Variants in ADD1 observed in about 807,000 individuals in gnomAD.
ADD1 encodes alpha-adducin.
In ADD1, 24 loss-of-function variants were observed where a neutral mutation model predicts 80.5. The ratio of observed to expected loss-of-function variants is 0.30; its 90% CI spans 0.22 to 0.42. The LOEUF is 0.42. ADD1 is among the 10% of genes least tolerant of loss of function. The pLI is 1.00. For missense variants in ADD1, 948 were observed against 1,019.0 expected (o/e 0.93, Z 0.95); for synonymous variants, 373 against 393.8 (o/e 0.95, Z 0.63).
intron 4 of ADD1, among the ~76,000 whole-genome samples, chr4:2,890,203 A>AG (rs1734074397): frequency 6.6e-6 from 1 of 152,152 alleles, no homozygotes. Context: ...CAAAAAAAAA[A>AG]AAAAAGAAAT....
intron 5 of ADD1, 134 bp from the exon 6 acceptor site, chr4:2,894,448 G>A: frequency 2.6e-6 from 2 of 756,594 alleles, no homozygotes; most frequent in Non-Finnish European, 4.1e-6. Flanking sequence ...TTGAACCTGG[G>A]AGGTGGAGGC....
chr4:2,864,541 T>A (rs2108839081), intron 1 of ADD1, among the ~76,000 whole-genome samples: 1 of 152,382 alleles, frequency 6.6e-6, no homozygotes, highest in Non-Finnish European at 1.5e-5. Context: ...GTTCATTTTA[T>A]ACTCACAGTG....
chr4:2,860,248 A>G (rs549430113), intron 1 of ADD1, among the ~76,000 whole-genome samples: 1 of 152,298 alleles, frequency 6.6e-6, no homozygotes, highest in Admixed American at 6.5e-5. Context: ...CGAGTCATCT[A>G]GAGGCAGACA....
At chr4:2,864,971 A>T (rs756045705) in intron 1 of ADD1, among the ~76,000 whole-genome samples, 1 of 152,088 alleles carries the variant, frequency 6.6e-6, no homozygotes, top group Non-Finnish European at 1.5e-5. Flanking sequence ...GTGTGTGTGT[A>T]TATCTATGAA....
At chr4:2,925,485 T>G (rs1222501641) in intron 14 of ADD1, among the ~76,000 whole-genome samples, 1 of 152,232 alleles carries the variant, frequency 6.6e-6, no homozygotes, top group African/African-American at 2.4e-5. Context: ...AGTTCCTGCA[T>G]TTTTTCCTCT....
At chr4:2,918,091 T>G (rs2109151586) in intron 14 of ADD1, among the ~76,000 whole-genome samples, 1 of 152,372 alleles carries the variant, frequency 6.6e-6, no homozygotes, top group Middle Eastern at 3.4e-3. Context: ...GGCATAGCAT[T>G]GAATCTATAA....
intron 1 of ADD1, among the ~76,000 whole-genome samples, chr4:2,856,049 C>A (rs960662107): frequency 3.0e-5 from 1 of 33,636 alleles, no homozygotes; most frequent in Admixed American, 3.0e-4. Context: ...CACACAAGTT[C>A]TTTTTTAAAA....
At chr4:2,927,113 C>T (rs1711856631) in intron 15 of ADD1, among the ~76,000 whole-genome samples, 2 of 152,208 alleles carry the variant, frequency 1.3e-5, no homozygotes, top group African/African-American at 4.8e-5. Context: ...GATATTGGAC[C>T]CTCGTAAAGC....
chr4:2,877,407 T>G (rs926408402), intron 2 of ADD1, among the ~76,000 whole-genome samples: 3 of 152,160 alleles, frequency 2.0e-5, no homozygotes, highest in Non-Finnish European at 4.4e-5. Flanking sequence ...GTTTAGTTGT[T>G]GTTACTGAGT....
At chr4:2,924,092 G>T (rs986478713) in intron 14 of ADD1, among the ~76,000 whole-genome samples, 2 of 152,234 alleles carry the variant, frequency 1.3e-5, no homozygotes, top group Non-Finnish European at 2.9e-5. Context: ...ATGTGCCCAG[G>T]TCCCATCAGG....
chr4:2,913,376 C>T (rs971802440), intron 13 of ADD1, among the ~76,000 whole-genome samples: 2 of 152,164 alleles, frequency 1.3e-5, no homozygotes, highest in African/African-American at 2.4e-5. Flanking sequence ...GTGAGGCAGG[C>T]CTCTGGTCAG....
intron 10 of ADD1, chr4:2,907,236 T>C (rs561287934): frequency 6.5e-6 from 1 of 154,236 alleles, no homozygotes; most frequent in South Asian, 2.0e-4. Flanking sequence ...ACGCAGACAG[T>C]GCATTCTGAT....
intron 2 of ADD1, among the ~76,000 whole-genome samples, chr4:2,877,735 C>G (rs1731588127): frequency 6.6e-6 from 1 of 152,252 alleles, no homozygotes; most frequent in East Asian, 1.9e-4. Flanking sequence ...CCTGTAATCC[C>G]AGCACTTTGG....
At chr4:2,866,593 A>G (rs1189367128) in intron 1 of ADD1, among the ~76,000 whole-genome samples, 1 of 151,938 alleles carries the variant, frequency 6.6e-6, no homozygotes. Flanking sequence ...ATATTTATTG[A>G]GGCCTGTTCT....
At chr4:2,852,207 C>CTTT (rs1553815097) in intron 1 of ADD1, among the ~76,000 whole-genome samples, 43 of 66,118 alleles carry the variant, frequency 6.5e-4, no homozygotes, top group African/African-American at 2.3e-3. Context: ...TCCTTTCTTT[C>CTTT]CTTTCCTTTC....
intron 1 of ADD1, among the ~76,000 whole-genome samples, chr4:2,862,309 T>A (rs961438811): frequency 1.2e-4 from 18 of 152,218 alleles, no homozygotes; most frequent in Non-Finnish European, 1.9e-4. Context: ...GTCTCAGAGG[T>A]TCAAACCAGG....
At chr4:2,847,100 C>G (rs535860948) in intron 1 of ADD1, among the ~76,000 whole-genome samples, 1 of 151,052 alleles carries the variant, frequency 6.6e-6, no homozygotes, top group East Asian at 2.0e-4. Context: ...CTGGGCGACA[C>G]GGAGCGAGAC....
At chr4:2,878,623 T>G (rs147104255) in intron 2 of ADD1, among the ~76,000 whole-genome samples, 55 of 152,188 alleles carry the variant, frequency 3.6e-4, no homozygotes, top group Middle Eastern at 6.8e-3. Context: ...ACAGGTTGTT[T>G]AGAACACAGT....
chr4:2,850,688 G>A lies in ADD1; in HGVS notation c.-21+6664G>A, dbSNP rs537623453. ...GATCCGCCCGCCTCGGCCTCCCAAAGTGCTGGGATTACAGGCGTGAGCCAC... is the reference window on the plus strand; with the variant it reads ...GATCCGCCCGCCTCGGCCTCCCAAAATGCTGGGATTACAGGCGTGAGCCAC... On this transcript the variant is annotated intron_variant, in intron 1 of 15. Coordinates refer to ENST00000683351, the MANE Select transcript of ADD1 (RefSeq NM_001354761.2). Among the ~76,000 whole-genome samples, 5 of 152,262 alleles carry A rather than the reference G, an allele frequency of 3.3e-5. No homozygotes were observed. In the South Asian group the frequency reaches 6.2e-4, roughly 19 times the overall value.
Sources: gnomAD v4.1 joint callset for allele counts (sites outside exome capture counted in the v4.1 genomes callset) on GRCh38, gnomAD v4.1.1 for gene constraint, MANE v1.5 for transcripts, NCBI Gene and HGNC (gene_info 2026-07-23, HGNC 2026-07-21) for gene names.